MBD1: variants seen among roughly 807,000 people sequenced by gnomAD.
MBD1 encodes the protein methyl-CpG-binding domain protein 1.
Under a neutral mutation model 82.6 loss-of-function variants are expected in MBD1, and 25 were observed. The observed-to-expected ratio is 0.30, with a 90% CI of 0.22 to 0.42. MBD1 has a LOEUF of 0.42. Among genes scored for constraint, MBD1 ranks in the 10% least tolerant of loss-of-function variants. The pLI is 1.00. For missense variants in MBD1, 627 were observed against 819.6 expected (o/e 0.76, Z 2.87); for synonymous variants, 301 against 303.7 (o/e 0.99, Z 0.09).
chr18:50,270,249 G>A (rs1286199962), intron 16 of MBD1: 2 of 1,249,692 alleles, frequency 1.6e-6, no homozygotes, highest in East Asian at 2.3e-5. Context: ...TGCAGGGCTG[G>A]GACTAGGGTA....
chr18:50,281,250 T>TC (rs2040164564), intron 1 of MBD1, 113 bp downstream of exon 1: 1 of 1,525,974 alleles, frequency 6.6e-7, no homozygotes, highest in African/African-American at 1.4e-5. Context: ...CCGCCATTCC[T>TC]CCCCCTTATC....
intron 6 of MBD1, 155 bp from the exon 7 acceptor site, chr18:50,276,136 T>C: frequency 1.0e-6 from 1 of 997,508 alleles, no homozygotes; most frequent in South Asian, 1.4e-5. Context: ...TCACCATCAC[T>C]GAGGCCATTA....
rs1050227870 is a variant in MBD1, at chr18:50,273,763, T to A, written c.1247A>T (p.His416Leu). 8 of 1,613,990 alleles carry A rather than the reference T, an allele frequency of 5.0e-6. No individual in the cohort carries two copies. In the African/African-American group the frequency reaches 5.3e-5, roughly 11 times the overall value. ...GGTGGGCTTCAAGGTAGGGCCAAGA[T>A]GGTGCCGTCGGGCAGAGCTGGGCCT... ...RKRPSSARRH[H>L]LGPTLKPTLA... Residue 416 changes from histidine (H) to leucine (L), a missense_variant, in exon 12 of 17, where the codon CAT becomes CTT. Physicochemically the swap from His to Leu is moderately conservative, Grantham distance 99 (BLOSUM62 -3). This residue lies in a region of MBD1 where 265 missense variants were observed against 278.4 expected (regional missense o/e 0.95). Coordinates refer to ENST00000269468, the MANE Select transcript of MBD1 (RefSeq NM_015846.4).
chr18:50,275,322 G>A (rs1483490339), intron 8 of MBD1, 77 bp from the exon 9 acceptor site: 1 of 1,611,282 alleles, frequency 6.2e-7, no homozygotes, highest in Non-Finnish European at 8.5e-7. Flanking sequence ...CCTAAGTGCA[G>A]AAAGCATGCA....
rs116860842 is a variant in MBD1, at chr18:50,273,128, G to A, written c.1585-173C>T. 978 of 1,200,192 alleles carry A rather than the reference G, an allele frequency of 8.1e-4. 2 individuals carry two copies. In the Middle Eastern group the frequency reaches 0.012, roughly 14 times the overall value. 74.3% of individuals were successfully genotyped at this position (1,200,192 alleles called of 1,614,324 possible). ...CCATTCCCATTCCTCACTGACCTCC[G>A]TTTTTCTGTTAGCTGGATAGCAAAG... On this transcript the variant is annotated intron_variant, in intron 13 of 16. Transcript: ENST00000269468.
Position 50,272,880 on chromosome 18 carries a change from C to A in MBD1, c.1660G>T (p.Asp554Tyr). 1.2e-6 allele frequency: 2 copies of A among 1,614,232 alleles called. No homozygotes were observed. Among genetic ancestry groups the A allele is most frequent in the Admixed American group, 3.3e-5 (2 of 60,032 alleles). The change falls in exon 14 of 17, where the codon GAT (aspartate) becomes TAT (tyrosine). Residue 554 changes from aspartate (D) to tyrosine (Y), a missense_variant. This residue lies in a region of MBD1 where 265 missense variants were observed against 278.4 expected (regional missense o/e 0.95). Coordinates refer to ENST00000269468, the MANE Select transcript of MBD1 (RefSeq NM_015846.4). ...TCTGGGGCCAATTTGGAGGCAGAAT[C>A]ATCCTTGTTCTCCTCCTTGTCCTCC... ...PEEDKEENKD[D>Y]SASKLAPEEE... is the part of the protein sequence containing the mutation.
At chr18:50,280,583 C>A (rs1374942806) in intron 1 of MBD1, among the ~76,000 whole-genome samples, 8 of 151,926 alleles carry the variant, frequency 5.3e-5, no homozygotes, top group Admixed American at 2.0e-4. Context: ...CTCAGTGTTA[C>A]AACCTCGACT....
At position 50,270,139 on chromosome 18, in the gene MBD1, G is replaced by C. The variant is rs916714430; in HGVS notation, c.*33-321C>G. ...TCCAGTCTTGACTAGGGCTGAACTA[G>C]TTAGGATGGAATAAAGGAAGGGGTG... On this transcript the variant is annotated intron_variant, in intron 16 of 16. Coordinates refer to ENST00000269468, the MANE Select transcript of MBD1 (RefSeq NM_015846.4). 5 of 1,598,220 alleles carry C rather than the reference G, an allele frequency of 3.1e-6. No individual in the cohort carries two copies. In the African/African-American group the frequency reaches 6.7e-5, roughly 21 times the overall value.
At chr18:50,273,894 C>T in intron 11 of MBD1, 31 bp from the exon 12 acceptor site, 1 of 1,607,802 alleles carries the variant, frequency 6.2e-7, no homozygotes, top group South Asian at 1.1e-5. Context: ...CTATGGCTAC[C>T]TGGTGTCCTG....
chr18:50,271,103 T>C (rs1034673426), intron 16 of MBD1: 3 of 1,098,018 alleles, frequency 2.7e-6, no homozygotes, highest in South Asian at 3.0e-5. Context: ...TGAGGAAGTA[T>C]GTAGAGACAC....
downstream of MBD1, chr18:50,266,948 A>AT (rs2034016373): frequency 2.5e-5 from 4 of 159,536 alleles, no homozygotes; most frequent in African/African-American, 7.2e-5. Flanking sequence ...AACCTCACAG[A>AT]TTTTTTCTGA....
At position 50,275,995 on chromosome 18, in the gene MBD1, T is replaced by C; in HGVS notation, c.517-14A>G. 6.2e-7 allele frequency: 1 copy of C among 1,610,022 alleles called. No individual in the cohort carries two copies. The highest frequency in any genetic ancestry group is 8.5e-7 in the Non-Finnish European group (1 of 1,179,858). On this transcript the variant is annotated splice_polypyrimidine_tract_variant and intron_variant, in intron 6 of 16. Coordinates refer to ENST00000269468, the MANE Select transcript of MBD1 (RefSeq NM_015846.4). ...ACAGCCCACACGCTGCCAGGAATGG[T>C]AGGGACGAGATCACGGGCCTGCTCC...
chr18:50,279,753 A>T (rs893382866), intron 2 of MBD1, 130 bp downstream of exon 2: 1 of 1,250,664 alleles, frequency 8.0e-7, no homozygotes, highest in South Asian at 1.3e-5. Flanking sequence ...ATTCAAACAT[A>T]AAATCCGCTA....
chr18:50,275,177 C>T lies in MBD1; in HGVS notation c.861G>A (p.Gln287=), dbSNP rs553624821. Reference sequence around the variant, plus strand: ...GTGATGGGGGTGGTGGAGGCAGTGGCTGGGCTCCGGGGCGCCGCCTGGCAG... The same window carrying T: ...GTGATGGGGGTGGTGGAGGCAGTGGTTGGGCTCCGGGGCGCCGCCTGGCAG... The part of the protein sequence containing the change: ...KMAARRRPGA[Q]PLPPPPPSQS... The change falls in exon 9 of 17, where the codon CAG becomes CAA. Residue 287 remains glutamine (Q), a synonymous_variant. Transcript: ENST00000269468. 4.1e-5 allele frequency: 66 copies of T among 1,614,082 alleles called. No individual in the cohort carries two copies. The Admixed American group carries it at 6.7e-4, about 16-fold the overall frequency.
chr18:50,276,444 A>G (rs1484016297), intron 5 of MBD1, 26 bp from the exon 6 acceptor site: 2 of 1,612,874 alleles, frequency 1.2e-6, no homozygotes, highest in Non-Finnish European at 1.7e-6. Context: ...GGGAAGAAGA[A>G]AAGTGGAAAG....
In MBD1 at chr18:50,275,652, G is replaced by A; in HGVS notation, c.740C>T (p.Pro247Leu). The A allele has an allele frequency of 2.5e-6, 4 of 1,614,216 alleles. No individual in the cohort carries two copies. The highest frequency in any genetic ancestry group is 3.4e-6 in the Non-Finnish European group (4 of 1,180,024). ...CGHCPICLRPPRPGLRRQWKC... is the reference protein window; with the variant it reads ...CGHCPICLRPLRPGLRRQWKC... ...CCACTGGCGCCTGAGACCAGGGCGG[G>A]GAGGGCGAAGGCAGATGGGGCAATG... The change falls in exon 8 of 17, where the codon CCC becomes CTC. Residue 247 changes from proline to leucine, a missense_variant. By Grantham distance (98) the Pro-to-Leu change is moderately conservative (BLOSUM62 -3). Around this residue, in one of 6 missense-constraint regions of MBD1, gnomAD observed 228 missense variants for 318.1 expected, o/e 0.72. Coordinates refer to ENST00000269468, the MANE Select transcript of MBD1 (RefSeq NM_015846.4).
At position 50,276,825 on chromosome 18, in the gene MBD1, C is replaced by T; in HGVS notation, c.392+7G>A. 1 of 1,614,240 alleles carries T rather than the reference C, an allele frequency of 6.2e-7. No individual in the cohort carries two copies. The highest frequency in any genetic ancestry group is 8.5e-7 in the Non-Finnish European group (1 of 1,180,046). The stretch of plus-strand genomic sequence containing the variant: ...ACCCATCTGGCTCACCTTAGACCAA[C>T]ACTCACCCAGGAGCAGGGAATGAAG... On this transcript the variant is annotated splice_region_variant and intron_variant, in intron 4 of 16. Coordinates refer to ENST00000269468, the MANE Select transcript of MBD1 (RefSeq NM_015846.4).
intron 1 of MBD1, among the ~76,000 whole-genome samples, chr18:50,280,858 C>T (rs2039977007): frequency 6.6e-6 from 1 of 152,092 alleles, no homozygotes; most frequent in African/African-American, 2.4e-5. Flanking sequence ...ACCCTAATTT[C>T]TCCCCTCAGC....
At chr18:50,273,310 C>A (rs763366481) in intron 13 of MBD1, 24 bp downstream of exon 13, 2 of 1,613,690 alleles carry the variant, frequency 1.2e-6, no homozygotes, top group African/African-American at 2.7e-5. Flanking sequence ...ACGGCACCAA[C>A]AGAACATCCA....
Sources: allele counts gnomAD v4.1 joint callset (sites outside exome capture counted in the v4.1 genomes callset), GRCh38; gene constraint gnomAD v4.1.1; regional missense constraint gnomAD v4.1.1; transcripts MANE v1.5; gene names NCBI Gene and HGNC (gene_info 2026-07-23, HGNC 2026-07-21).